Variants in TSPEAR observed in about 807,000 individuals in gnomAD.
TSPEAR encodes thrombospondin type laminin G domain and EAR repeats.
TSPEAR carries 69 observed loss-of-function variants against 71.6 expected under a neutral mutation model. The ratio of observed to expected loss-of-function variants is 0.96; its 90% CI spans 0.79 to 1.18. The LOEUF (loss-of-function observed/expected upper bound fraction) is 1.18, where lower values mean the gene tolerates loss of function less well. Ranked by LOEUF, TSPEAR falls within the 50% of genes most tolerant of loss-of-function variation. The pLI is 0.00. For missense variants in TSPEAR, 971 were observed against 894.9 expected, an observed-to-expected ratio of 1.09 and a Z score of -1.09; for synonymous variants, 402 against 387.2, an observed-to-expected ratio of 1.04 and a Z score of -0.45.
Position 44,593,651 on chromosome 21 carries a change from T to C in TSPEAR, c.83-25646A>G, listed in dbSNP as rs1412942246. On this transcript the variant is annotated intron_variant, in intron 1 of 11. Coordinates refer to ENST00000323084, the MANE Select transcript of TSPEAR (RefSeq NM_144991.3). The surrounding 1 kb of genome is among the most constrained non-coding windows in gnomAD (Gnocchi z 5.9). ...CCACTACCCAGCACTAAAGTTAAAA[T>C]AGAGACCGTAAGACCCACAGAGCAG... 6.6e-6 allele frequency among the ~76,000 whole-genome samples: 1 copy of C among 151,938 alleles called. No individual in the cohort carries two copies. The highest frequency in any genetic ancestry group is 2.4e-5 in the African/African-American group (1 of 41,322).
chr21:44,512,891 A>G (rs1254361345), intron 9 of TSPEAR, among the ~76,000 whole-genome samples: 1 of 152,102 alleles, frequency 6.6e-6, no homozygotes, highest in African/African-American at 2.4e-5. Context: ...GCTGGAGTGC[A>G]GGGCCAGACA....
At chr21:44,594,217 G>A (rs1308443656) in intron 1 of TSPEAR, among the ~76,000 whole-genome samples, 3 of 152,170 alleles carry the variant, frequency 2.0e-5, no homozygotes, top group African/African-American at 7.2e-5. Flanking sequence ...AAGTCAGAGG[G>A]GAGGAAGAAA....
At chr21:44,547,353 C>A (rs587722722) in intron 2 of TSPEAR, among the ~76,000 whole-genome samples, 2 of 152,044 alleles carry the variant, frequency 1.3e-5, no homozygotes, top group Admixed American at 6.6e-5. Context: ...GAGAGCTGAT[C>A]GAAAGGCTTT....
At position 44,601,662 on chromosome 21, in the gene TSPEAR, T is replaced by C. The variant is rs782448738; in HGVS notation, c.83-33657A>G. The C allele has an allele frequency of 2.5e-6, 4 of 1,612,514 alleles. No individual in the cohort carries two copies. In the South Asian group the frequency reaches 4.4e-5, roughly 18 times the overall value. ...GCTGCCGCCCAGCCTCCTGTGTGTC[T>C]CTCCTTTGCCGCCCCGCATGCTCCC... is the stretch of plus-strand genomic sequence containing the variant. On this transcript the variant is annotated intron_variant, in intron 1 of 11. Transcript: ENST00000323084.
Position 44,680,613 on chromosome 21 carries a change from CA to C in TSPEAR, c.82+30819del, listed in dbSNP as rs368773256. ...CCCATGTTTATTGCAGCACTATTCA[CA>C]ATAGCCAAGATACAGATTCAACCTA... On this transcript the variant is annotated intron_variant, in intron 1 of 11. Coordinates refer to ENST00000323084, the MANE Select transcript of TSPEAR (RefSeq NM_144991.3). 2.8e-4 allele frequency among the ~76,000 whole-genome samples: 43 copies of C among 152,250 alleles called. 1 individual carries two copies. The South Asian group carries it at 7.9e-3, about 28-fold the overall frequency.
chr21:44,502,923 CTGGCCT>C (rs1569147342), intron 11 of TSPEAR, among the ~76,000 whole-genome samples: 9 of 68,088 alleles, frequency 1.3e-4, no homozygotes, highest in Non-Finnish European at 1.8e-4. Flanking sequence ...TGGGAGGAAG[CTGGCCT>C]CAGTGAGCCC....
chr21:44,658,099 C>T (rs1458942371), intron 1 of TSPEAR: 3 of 1,613,992 alleles, frequency 1.9e-6, no homozygotes, highest in African/African-American at 1.3e-5. Flanking sequence ...CCGTGAGCTG[C>T]ACGCGCATTG....
chr21:44,550,957 A>T (rs782099572), intron 2 of TSPEAR: 1 of 1,612,372 alleles, frequency 6.2e-7, no homozygotes, highest in South Asian at 1.1e-5. Flanking sequence ...GCCGGCTGGC[A>T]GCTAGACTGC....
chr21:44,650,420 C>CGGCGGCAGAGACTAGGGCCACGTGACGAT (rs1984708904), intron 1 of TSPEAR, among the ~76,000 whole-genome samples: 1 of 149,428 alleles, frequency 6.7e-6, no homozygotes, highest in African/African-American at 2.5e-5. Flanking sequence ...CATGTGACGA[C>CGGCGGCAGAGACTAGGGCCACGTGACGAT]GGCGGCAGAG....
chr21:44,617,199 G>A (rs1982158585), intron 1 of TSPEAR, among the ~76,000 whole-genome samples: 1 of 152,226 alleles, frequency 6.6e-6, no homozygotes, highest in Admixed American at 6.5e-5. Context: ...GGTGGCAGAG[G>A]CCCCAGCTGT....
At chr21:44,543,517 C>A (rs782277306) in intron 2 of TSPEAR, among the ~76,000 whole-genome samples, 4 of 152,144 alleles carry the variant, frequency 2.6e-5, no homozygotes, top group Non-Finnish European at 4.4e-5. Context: ...CACCCAGAAC[C>A]TCCCAATATG....
At chr21:44,507,781 G>A (rs1244190301) in intron 10 of TSPEAR, among the ~76,000 whole-genome samples, 3 of 152,072 alleles carry the variant, frequency 2.0e-5, no homozygotes, top group Admixed American at 6.5e-5. Context: ...TTTTGTTCTC[G>A]GCGTTGACAT....
intron 8 of TSPEAR, 65 bp downstream of exon 8, chr21:44,525,588 G>A: frequency 6.6e-7 from 1 of 1,516,470 alleles, no homozygotes. Context: ...CATTCGCCCT[G>A]CCTGCAAGTC....
At chr21:44,662,938 C>A (rs1476936140) in intron 1 of TSPEAR, among the ~76,000 whole-genome samples, 1 of 151,736 alleles carries the variant, frequency 6.6e-6, no homozygotes, top group Non-Finnish European at 1.5e-5. Flanking sequence ...GACAACATGT[C>A]AAAATATATG....
intron 1 of TSPEAR, among the ~76,000 whole-genome samples, chr21:44,664,692 G>A (rs1555944332): frequency 6.6e-6 from 1 of 152,194 alleles, no homozygotes; most frequent in African/African-American, 2.4e-5. Flanking sequence ...AGGGCAGGAT[G>A]GTGTTGGCAA....
chr21:44,698,124 G>T, intron 1 of TSPEAR: 1 of 730,080 alleles, frequency 1.4e-6, no homozygotes. Flanking sequence ...AGCTCCAGAT[G>T]ACCCTGCCTC....
intron 2 of TSPEAR, among the ~76,000 whole-genome samples, chr21:44,553,015 A>G (rs942481359): frequency 6.6e-6 from 1 of 152,238 alleles, no homozygotes. Context: ...AGGGTCCCAC[A>G]GACCTGGAGC....
intron 1 of TSPEAR, among the ~76,000 whole-genome samples, chr21:44,624,118 T>C (rs1213199112): frequency 1.3e-5 from 2 of 152,212 alleles, no homozygotes; most frequent in African/African-American, 2.4e-5. Context: ...CCCATCTCTG[T>C]ACTCAGGGCT....
At chr21:44,563,339 A>G (rs587719790) in intron 2 of TSPEAR, among the ~76,000 whole-genome samples, 2 of 152,164 alleles carry the variant, frequency 1.3e-5, no homozygotes, top group East Asian at 3.8e-4. Flanking sequence ...CAACAAGACT[A>G]CAAAAAGGAC....
Sources: allele counts gnomAD v4.1 joint callset (sites outside exome capture counted in the v4.1 genomes callset), GRCh38; gene constraint gnomAD v4.1.1; non-coding constraint Gnocchi (gnomAD v3.1); transcripts MANE v1.5; gene names NCBI Gene and HGNC (gene_info 2026-07-23, HGNC 2026-07-21).